NUP188: variants seen among roughly 807,000 people sequenced by gnomAD.
NUP188 encodes nucleoporin NUP188.
Under a neutral mutation model 223.0 loss-of-function variants are expected in NUP188, and 97 were observed. The observed-to-expected ratio is 0.43, with a 90% confidence interval of 0.37 to 0.51. The LOEUF (loss-of-function observed/expected upper bound fraction) is 0.51, where lower values mean the gene tolerates loss of function less well. Ranked by LOEUF, NUP188 falls within the 20% of genes least tolerant of loss-of-function variation. The probability of loss-of-function intolerance (pLI) is 0.00; values close to 1 mark genes in which losing one functional copy is unlikely to be tolerated. For missense variants in NUP188, 1,947 were observed against 2,175.6 expected, an observed-to-expected ratio of 0.89 and a Z score of 2.09; for synonymous variants, 869 against 828.0, an observed-to-expected ratio of 1.05 and a Z score of -0.85.
At chr9:128,970,619 G>C (rs1281687823) in intron 10 of NUP188, 139 bp from the exon 11 acceptor site, 1 of 683,698 alleles carries the variant, frequency 1.5e-6, no homozygotes, top group Non-Finnish European at 2.6e-6. Context: ...GTGACTGGGG[G>C]TTTGAGAAGA....
intron 27 of NUP188, 85 bp from the exon 28 acceptor site, chr9:128,994,288 G>T (rs1842480673): frequency 2.3e-6 from 2 of 884,294 alleles, no homozygotes; most frequent in Admixed American, 3.5e-5. Flanking sequence ...AAAATATGAA[G>T]TGACCACCAA....
Position 129,002,820 on chromosome 9 carries a change from C to A in NUP188, c.4141C>A (p.Pro1381Thr), listed in dbSNP as rs925953927. The change falls in exon 37 of 44, where the codon CCT becomes ACT. Residue 1381 changes from proline (P) to threonine (T), a missense_variant. Transcript: ENST00000372577. ...QLSTNGTAQT[P>T]SASRKSLDAP... ...TTGTCTGCTGTTTGTATCTTAGACA[C>A]CTAGTGCCTCTCGGAAGTCCCTGGA... 6.2e-7 allele frequency: 1 copy of A among 1,613,802 alleles called. No individual in the cohort carries two copies. Among genetic ancestry groups the A allele is most frequent in the African/African-American group, 1.3e-5 (1 of 75,058 alleles).
At chr9:128,960,480 A>G (rs183010689) in intron 8 of NUP188, among the ~76,000 whole-genome samples, 1 of 152,290 alleles carries the variant, frequency 6.6e-6, no homozygotes, top group African/African-American at 2.4e-5. Flanking sequence ...CAGCTACTTA[A>G]AAAATATTTA....
Position 128,995,522 on chromosome 9 carries a change from C to CACTCTCA in NUP188, c.3351+8_3351+9insACTCTCA. ...ATCATTGCCACCACTCATGTAAGAC[C>CACTCTCA]CTTTTGGGGAGAGTTTTCACTTTGG... On this transcript the variant is annotated intron_variant, in intron 30 of 43. Coordinates refer to ENST00000372577, the MANE Select transcript of NUP188 (RefSeq NM_015354.3). 6.4e-7 allele frequency: 1 copy of CACTCTCA among 1,564,530 alleles called. No individual in the cohort carries two copies. The highest frequency in any genetic ancestry group is 8.6e-7 in the Non-Finnish European group (1 of 1,157,726).
intron 2 of NUP188, 57 bp downstream of exon 2, chr9:128,949,300 C>CA (rs957450446): frequency 1.5e-4 from 182 of 1,212,590 alleles, no homozygotes; most frequent in Middle Eastern, 5.8e-4. Context: ...CTTTTGTTAC[C>CA]AAAAAAAACC....
intron 24 of NUP188, among the ~76,000 whole-genome samples, chr9:128,988,750 A>G (rs1446117259): frequency 1.1e-5 from 1 of 93,368 alleles, no homozygotes; most frequent in Admixed American, 1.6e-4. Context: ...TTTTTTTGAG[A>G]CAGTCTAGCT....
At chr9:128,962,549 C>T (rs755627297) in intron 8 of NUP188, among the ~76,000 whole-genome samples, 9 of 152,002 alleles carry the variant, frequency 5.9e-5, no homozygotes, top group Non-Finnish European at 8.8e-5. Flanking sequence ...GTGCCCGGCA[C>T]ACCATATTCT....
At chr9:128,973,082 G>T in intron 11 of NUP188, 78 bp from the exon 12 acceptor site, 1 of 770,642 alleles carries the variant, frequency 1.3e-6, no homozygotes, top group Admixed American at 2.6e-5. Flanking sequence ...AAGAATATAT[G>T]AATGCGATAG....
Position 128,983,489 on chromosome 9 carries a change from C to T in NUP188, c.1900C>T (p.Arg634Cys), listed in dbSNP as rs779341005. 113 of 1,614,122 alleles carry T rather than the reference C, an allele frequency of 7.0e-5. No individual in the cohort carries two copies. The Admixed American group carries it at 9.3e-4, about 13-fold the overall frequency. The change falls in exon 19 of 44, where the codon CGT (arginine) becomes TGT (cysteine). Residue 634 changes from arginine to cysteine, a missense_variant. Physicochemically the swap from Arg to Cys is radical, Grantham distance 180 (BLOSUM62 -3). Transcript: ENST00000372577. ...RNPAKVWTDL[R>C]HTGFLPFVAH... ...TCCTTCTCAGGTCTGGACTGATCTT[C>T]GTCACACAGGTTTTTTACCATTTGT...
Position 128,949,236 on chromosome 9 carries a change from G to C in NUP188, c.80G>C (p.Arg27Thr), listed in dbSNP as rs1298799697. The change falls in exon 2 of 44, where the codon AGA becomes ACA. Residue 27 changes from arginine (R) to threonine (T), a missense_variant. This residue lies in a region of NUP188 where 817 missense variants were observed against 865.8 expected (regional missense o/e 0.94). Transcript: ENST00000372577. Reference protein sequence around the residue: ...WTILLGRSALRELSQIEAELN... With the variant: ...WTILLGRSALTELSQIEAELN... Reference sequence around the variant, plus strand: ...ATTCTGCTTGGAAGGTCAGCTCTGAGAGAGCTGGTAAGTGGTGGTGTTCTT... The same window carrying C: ...ATTCTGCTTGGAAGGTCAGCTCTGACAGAGCTGGTAAGTGGTGGTGTTCTT... 1 of 1,610,624 alleles carries C rather than the reference G, an allele frequency of 6.2e-7. No individual in the cohort carries two copies. Among genetic ancestry groups the C allele is most frequent in the East Asian group, 2.2e-5 (1 of 44,846 alleles).
chr9:128,998,418 C>T (rs1313892973), intron 31 of NUP188, 120 bp from the exon 32 acceptor site: 7 of 1,046,754 alleles, frequency 6.7e-6, no homozygotes, highest in South Asian at 6.6e-5. Context: ...GGCTTCTCCC[C>T]CTCCACTCCA....
chr9:128,994,844 C>G lies in NUP188; in HGVS notation c.3088-12C>G. The G allele has an allele frequency of 6.2e-7, 1 of 1,611,060 alleles. No homozygotes were observed. The highest frequency in any genetic ancestry group is 1.1e-5 in the South Asian group (1 of 90,986). On this transcript the variant is annotated splice_polypyrimidine_tract_variant and intron_variant, in intron 28 of 43. Transcript: ENST00000372577. The stretch of plus-strand genomic sequence containing the variant: ...AGAGATGTGATAATTGCCTGTTCTG[C>G]TATCTCCACAGCCCAGCATCCTGGA...
chr9:128,998,398 TGCC>T, intron 31 of NUP188, 137 bp from the exon 32 acceptor site: 1 of 975,962 alleles, frequency 1.0e-6, no homozygotes, highest in Non-Finnish European at 1.6e-6. Context: ...GCTGCTGCCA[TGCC>T]AACCCTGGCT....
chr9:128,950,140 C>T (rs1841761332), intron 2 of NUP188, among the ~76,000 whole-genome samples: 1 of 151,848 alleles, frequency 6.6e-6, no homozygotes, highest in African/African-American at 2.4e-5. Context: ...CCAGGTCGGT[C>T]TTGAACTCCC....
At position 128,998,480 on chromosome 9, in the gene NUP188, T is replaced by C. The variant is rs545133025; in HGVS notation, c.3430-58T>C. ...AAAGGCAATGAGGCCGGAGGTGCCC[T>C]GTGGATGGCATGCGAATCTTTCCAC... On this transcript the variant is annotated intron_variant, in intron 31 of 43. Transcript: ENST00000372577. 3 of 1,448,092 alleles carry C rather than the reference T, an allele frequency of 2.1e-6. No individual in the cohort carries two copies. In the African/African-American group the frequency reaches 4.2e-5, roughly 20 times the overall value. 89.7% of individuals were successfully genotyped at this position (1,448,092 alleles called of 1,614,324 possible).
rs1355020595 is a variant in NUP188 at position 129,006,861 on chromosome 9, A to G, written c.*183A>G. The G allele has an allele frequency of 8.8e-6, 5 of 566,186 alleles. No homozygotes were observed. Among genetic ancestry groups the G allele is most frequent in the Admixed American group, 7.2e-5 (2 of 27,760 alleles). 35.1% of individuals were successfully genotyped at this position (566,186 alleles called of 1,614,324 possible). ...ATTTTTATACTAGATGAAGAGGTCAACAGCAGGCATGGGGAGCCGAGTCTT... is the reference window on the plus strand; with the variant it reads ...ATTTTTATACTAGATGAAGAGGTCAGCAGCAGGCATGGGGAGCCGAGTCTT... On this transcript the variant is annotated 3_prime_UTR_variant, in exon 44 of 44. Coordinates refer to ENST00000372577, the MANE Select transcript of NUP188 (RefSeq NM_015354.3).
rs752915998 is a variant in NUP188, at chr9:128,984,902, C to A, written c.1964C>A (p.Ala655Glu). The A allele has an allele frequency of 1.9e-6, 3 of 1,602,890 alleles. No individual in the cohort carries two copies. Among genetic ancestry groups the A allele is most frequent in the South Asian group, 1.1e-5 (1 of 89,520 alleles). ...TTTCCCTCTACTTCTTTTTCCAGTG[C>A]GGAAGGGATGAATGCTGGAGGGTAC... ...PVSSLSQMISAEGMNAGGYGN... is the reference protein window; with the variant it reads ...PVSSLSQMISEEGMNAGGYGN... The change falls in exon 20 of 44, where the codon GCG (alanine) becomes GAG (glutamate). Residue 655 changes from alanine (A) to glutamate (E), a missense_variant and splice_region_variant. Coordinates refer to ENST00000372577, the MANE Select transcript of NUP188 (RefSeq NM_015354.3).
intron 2 of NUP188, among the ~76,000 whole-genome samples, chr9:128,951,177 G>A (rs1449386974): frequency 2.6e-5 from 4 of 152,008 alleles, no homozygotes; most frequent in Non-Finnish European, 2.9e-5. Flanking sequence ...GTGTGGTGGT[G>A]CATGCCTGTA....
chr9:129,001,625 C>T lies in NUP188; in HGVS notation c.3940C>T (p.Pro1314Ser). 3 of 1,614,012 alleles carry T rather than the reference C, an allele frequency of 1.9e-6. No homozygotes were observed. The South Asian group carries it at 3.3e-5, about 18-fold the overall frequency. ...LQVTRRLPIL[P>S]TLLTTLEVSL... Reference sequence around the variant, plus strand: ...GGTAACCCGCAGGCTCCCCATCCTACCCACCCTCCTCACCACTCTAGAGGT... The same window carrying T: ...GGTAACCCGCAGGCTCCCCATCCTATCCACCCTCCTCACCACTCTAGAGGT... The change falls in exon 35 of 44, where the codon CCC becomes TCC. Residue 1314 changes from proline (P) to serine (S), a missense_variant. Coordinates refer to ENST00000372577, the MANE Select transcript of NUP188 (RefSeq NM_015354.3).
Sources: gnomAD v4.1 joint callset for allele counts (sites outside exome capture counted in the v4.1 genomes callset) on GRCh38, gnomAD v4.1.1 for gene constraint, gnomAD v4.1.1 regional missense constraint, MANE v1.5 for transcripts, NCBI Gene and HGNC (gene_info 2026-07-23, HGNC 2026-07-21) for gene names.